SPEG: variants seen among roughly 807,000 people sequenced by gnomAD.
The protein encoded by SPEG is striated muscle preferentially expressed protein kinase.
Under a neutral mutation model 300.4 loss-of-function variants are expected in SPEG, and 114 were observed. That is an observed-to-expected ratio of 0.38 (90% confidence interval 0.33 to 0.44). SPEG has a LOEUF of 0.44. Ranked by LOEUF, SPEG falls within the 20% of genes least tolerant of loss-of-function variation. SPEG has a pLI of 1.00. For missense variants in SPEG, 4,201 were observed against 4,586.2 expected, an observed-to-expected ratio of 0.92 and a Z score of 2.43; for synonymous variants, 1,964 against 2,018.9, an observed-to-expected ratio of 0.97 and a Z score of 0.73.
rs78698533 is a variant in SPEG, at chr2:219,484,367, G to C, written c.6904G>C (p.Val2302Leu). ...CGTGCCCTCAGCCGGGGGTCCCCCGGTGCTAGCCGAGAAAGCCCGAGTTCC... is the reference window on the plus strand; with the variant it reads ...CGTGCCCTCAGCCGGGGGTCCCCCGCTGCTAGCCGAGAAAGCCCGAGTTCC... ...KRVPSAGGPPVLAEKARVPTV... is the reference protein window; with the variant it reads ...KRVPSAGGPPLLAEKARVPTV... Residue 2302 changes from valine (V) to leucine (L), a missense_variant, in exon 30 of 41, where the codon GTG (valine) becomes CTG (leucine). Physicochemically the swap from Val to Leu is conservative, Grantham distance 32. Transcript: ENST00000312358. 1.9e-6 allele frequency: 3 copies of C among 1,607,286 alleles called. No homozygotes were observed. In the East Asian group the frequency reaches 6.7e-5, roughly 36 times the overall value.
chr2:219,448,526 A>G lies in SPEG; in HGVS notation c.1368A>G (p.Glu456=), dbSNP rs1317975047. The change falls in exon 4 of 41, where the codon GAA becomes GAG. Residue 456 remains glutamate (E), a synonymous_variant. Coordinates refer to ENST00000312358, the MANE Select transcript of SPEG (RefSeq NM_005876.5). ...PWGTPGASQE[E]LRAPGSVAER... is the part of the protein sequence containing the mutation. ...GCACCCCCGGGGCCTCGCAGGAAGA[A>G]CTGCGGGCGCCAGGCAGCGTGGCCG... 1 of 1,445,720 alleles carries G rather than the reference A, an allele frequency of 6.9e-7. No homozygotes were observed. Among genetic ancestry groups the G allele is most frequent in the South Asian group, 1.4e-5 (1 of 71,986 alleles). The allele number at this position is 1,445,720 out of a possible 1,614,324, so 89.6% of individuals were successfully genotyped here. A position where few individuals can be genotyped will look rare whatever the true frequency, so the allele number is the denominator to read the frequency against.
Position 219,479,297 on chromosome 2 carries a change from GC to G in SPEG, c.5085+99del. The G allele has an allele frequency of 1.8e-6, 2 of 1,086,350 alleles. No homozygotes were observed. The highest frequency in any genetic ancestry group is 1.4e-6 in the Non-Finnish European group (1 of 725,018). The allele number at this position is 1,086,350 out of a possible 1,614,324, so 67.3% of individuals were successfully genotyped here. On this transcript the variant is annotated intron_variant, in intron 23 of 40. Transcript: ENST00000312358. This position sits in a 1 kb window ranked among gnomAD's most constrained non-coding sequence, Gnocchi z 5.5. ...AATGGGTCCTGAGTGTGCCATCTGT[GC>G]CCACAGGAAGCCAGGGGTGGAGGTG...
intron 1 of SPEG, among the ~76,000 whole-genome samples, chr2:219,435,996 C>T (rs1206400700): frequency 6.6e-6 from 1 of 152,142 alleles, no homozygotes; most frequent in Non-Finnish European, 1.5e-5. Context: ...AATCCACATG[C>T]AGGTGTGTGC....
At chr2:219,453,572 C>G (rs1348933485) in intron 6 of SPEG, among the ~76,000 whole-genome samples, 3 of 152,196 alleles carry the variant, frequency 2.0e-5, no homozygotes, top group East Asian at 3.9e-4. Flanking sequence ...TCCTGCAGAC[C>G]CTCTGTATTT....
rs780516016 is a variant in SPEG, at chr2:219,442,004, G to T, written c.389-2649G>T. On this transcript the variant is annotated intron_variant, in intron 1 of 40. Coordinates refer to ENST00000312358, the MANE Select transcript of SPEG (RefSeq NM_005876.5). ...CCGCCTCCGACTCCGCCCCGCCCCCGCCCGTCCCCTCCTCGCCCGGCCGCC... is the reference window on the plus strand; with the variant it reads ...CCGCCTCCGACTCCGCCCCGCCCCCTCCCGTCCCCTCCTCGCCCGGCCGCC... 189 of 439,394 alleles carry T rather than the reference G, an allele frequency of 4.3e-4. 1 individual carries two copies. The highest frequency in any genetic ancestry group is 3.5e-3 in the African/African-American group (163 of 46,670). The allele number at this position is 439,394 out of a possible 1,614,324, so 27.2% of individuals were successfully genotyped here. A position where few individuals can be genotyped will look rare whatever the true frequency, so the allele number is the denominator to read the frequency against.
chr2:219,444,796 C>T lies in SPEG; in HGVS notation c.479-29C>T. 11 of 1,610,174 alleles carry T rather than the reference C, an allele frequency of 6.8e-6. No individual in the cohort carries two copies. The highest frequency in any genetic ancestry group is 9.3e-6 in the Non-Finnish European group (11 of 1,177,432). On this transcript the variant is annotated intron_variant, in intron 2 of 40. Coordinates refer to ENST00000312358, the MANE Select transcript of SPEG (RefSeq NM_005876.5). The surrounding 1 kb of genome is among the most constrained non-coding windows in gnomAD (Gnocchi z 7.8). ...GCAGGCGGGTTTTCCATAAGGGGTG[C>T]CTCAGTCTCACGGTGCTCCTTTCTC...
At position 219,451,762 on chromosome 2, in the gene SPEG, G is replaced by A. The variant is rs567197826; in HGVS notation, c.2395G>A (p.Glu799Lys). ...AGSYMATATN[E>K]LGQATCAASL... Reference sequence around the variant, plus strand: ...GAGCTATATGGCCACCGCCACCAACGAGCTGGGCCAGGCCACCTGTGCCGC... The same window carrying A: ...GAGCTATATGGCCACCGCCACCAACAAGCTGGGCCAGGCCACCTGTGCCGC... The change falls in exon 6 of 41, where the codon GAG (glutamate) becomes AAG (lysine). Residue 799 changes from glutamate to lysine, a missense_variant. Coordinates refer to ENST00000312358, the MANE Select transcript of SPEG (RefSeq NM_005876.5). This position sits in a 1 kb window ranked among gnomAD's most constrained non-coding sequence, Gnocchi z 6.4. 3.2e-6 allele frequency: 5 copies of A among 1,556,156 alleles called. No homozygotes were observed. The highest frequency in any genetic ancestry group is 4.3e-6 in the Non-Finnish European group (5 of 1,150,392).
intron 3 of SPEG, among the ~76,000 whole-genome samples, chr2:219,447,277 G>T (rs1169031427): frequency 6.6e-6 from 1 of 152,022 alleles, no homozygotes; most frequent in Non-Finnish European, 1.5e-5. Flanking sequence ...TTTGCCAGGG[G>T]AAGCACAAGT....
Position 219,449,037 on chromosome 2 carries a change from C to T in SPEG, c.1879C>T (p.Pro627Ser), listed in dbSNP as rs755608022. ...CCCAGAGGCCAGGACGAAAGCACCC[C>T]CCGGTCGGAAGCGGGAGCCCCCGGC... ...DPPEARTKAP[P>S]GRKREPPAQA... Residue 627 changes from proline (P) to serine (S), a missense_variant, in exon 4 of 41, where the codon CCC (proline) becomes TCC (serine). This residue lies in a region of SPEG where 1,258 missense variants were observed against 1,293.9 expected (regional missense o/e 0.97). Transcript: ENST00000312358. The T allele has an allele frequency of 7.9e-6, 12 of 1,520,030 alleles. No homozygotes were observed. The highest frequency in any genetic ancestry group is 1.8e-6 in the Non-Finnish European group (2 of 1,133,934). The allele number at this position is 1,520,030 out of a possible 1,614,324, so 94.2% of individuals were successfully genotyped here.
intron 1 of SPEG, chr2:219,437,178 T>C (rs1030703356): frequency 6.6e-6 from 1 of 152,284 alleles, no homozygotes; most frequent in Admixed American, 6.5e-5. Context: ...CTGGGGGCCT[T>C]GTACTCCTCA....
At chr2:219,488,117 G>A (rs963253906) in intron 31 of SPEG, 77 bp from the exon 32 acceptor site, 2 of 903,670 alleles carry the variant, frequency 2.2e-6, no homozygotes, top group Non-Finnish European at 3.5e-6. Flanking sequence ...CTGTTTGCAG[G>A]CCTTCTCCAC....
Position 219,488,565 on chromosome 2 carries a change from C to T in SPEG, c.7926C>T (p.Leu2642=), listed in dbSNP as rs777691943. ...CCTGCAAAGATGGGCGGCAGCTGCT[C>T]AGCATCCCCCGGGCGGGCAAGCGGC... ...IVSCKDGRQL[L]SIPRAGKRHA... is the part of the protein sequence containing the mutation. The change falls in exon 33 of 41, where the codon CTC becomes CTT. Residue 2642 remains leucine, a synonymous_variant. Transcript: ENST00000312358. 1 of 1,611,524 alleles carries T rather than the reference C, an allele frequency of 6.2e-7. No individual in the cohort carries two copies. Among genetic ancestry groups the T allele is most frequent in the Non-Finnish European group, 8.5e-7 (1 of 1,179,128 alleles).
chr2:219,438,798 A>T (rs1338992290), intron 1 of SPEG, among the ~76,000 whole-genome samples: 1 of 152,224 alleles, frequency 6.6e-6, no homozygotes, highest in East Asian at 1.9e-4. Context: ...AAAACATGGT[A>T]ATGAACCATC....
At position 219,472,977 on chromosome 2, in the gene SPEG, G is replaced by T; in HGVS notation, c.4028G>T (p.Gly1343Val). 1 of 1,613,880 alleles carries T rather than the reference G, an allele frequency of 6.2e-7. No homozygotes were observed. Among genetic ancestry groups the T allele is most frequent in the Non-Finnish European group, 8.5e-7 (1 of 1,180,020 alleles). ...CTGGTCACAGGCCTGCGGGAGCCAG[G>T]GTGGGCAGCCACAGGGCTGCGTAAG... ...TALVTGLREP[G>V]WAATGLRKGV... is the part of the protein sequence containing the mutation. Residue 1343 changes from glycine to valine, a missense_variant, in exon 16 of 41, where the codon GGG becomes GTG. Gly to Val is a moderately radical substitution (Grantham distance 109). This residue lies in a region of SPEG where 1,047 missense variants were observed against 1,356.8 expected (regional missense o/e 0.77). Coordinates refer to ENST00000312358, the MANE Select transcript of SPEG (RefSeq NM_005876.5).
rs1267803484 is a variant in SPEG, at chr2:219,442,019, G to T, written c.389-2634G>T. 1.4e-5 allele frequency: 12 copies of T among 859,582 alleles called. No individual in the cohort carries two copies. The East Asian group carries it at 1.7e-4, about 12-fold the overall frequency. The allele number at this position is 859,582 out of a possible 1,614,324, so 53.2% of individuals were successfully genotyped here. A position where few individuals can be genotyped will look rare whatever the true frequency, so the allele number is the denominator to read the frequency against. Reference sequence around the variant, plus strand: ...CCCCGCCCCCGCCCGTCCCCTCCTCGCCCGGCCGCCGGCCCGGCCCCCTCC... The same window carrying T: ...CCCCGCCCCCGCCCGTCCCCTCCTCTCCCGGCCGCCGGCCCGGCCCCCTCC... On this transcript the variant is annotated intron_variant, in intron 1 of 40. Transcript: ENST00000312358.
chr2:219,451,842 G>C lies in SPEG; in HGVS notation c.2440+35G>C. ...CCATCAACCCTGGGGCTGGGTGGGG[G>C]CAAGCCGTGACTCTCCCCTGGCCCA... On this transcript the variant is annotated intron_variant, in intron 6 of 40. Transcript: ENST00000312358. The surrounding 1 kb of genome is among the most constrained non-coding windows in gnomAD (Gnocchi z 6.4). The C allele has an allele frequency of 6.7e-7, 1 of 1,489,560 alleles. No homozygotes were observed. The highest frequency in any genetic ancestry group is 9.0e-7 in the Non-Finnish European group (1 of 1,112,768). 92.3% of individuals were successfully genotyped at this position (1,489,560 alleles called of 1,614,324 possible).
chr2:219,438,534 T>A (rs1196411883), intron 1 of SPEG, among the ~76,000 whole-genome samples: 5 of 152,206 alleles, frequency 3.3e-5, no homozygotes, highest in Non-Finnish European at 7.3e-5. Flanking sequence ...TTCTTCTTTT[T>A]CAAAATATCA....
chr2:219,463,032 ACT>A (rs1022308251), intron 8 of SPEG, among the ~76,000 whole-genome samples: 2 of 152,020 alleles, frequency 1.3e-5, no homozygotes, highest in African/African-American at 4.8e-5. Context: ...ACATAGTGAG[ACT>A]CTGTCTCTAC....
rs1418260716 is a variant in SPEG, at chr2:219,460,272, G to A, written c.2441-1610G>A. 3.1e-6 allele frequency: 3 copies of A among 981,864 alleles called. No individual in the cohort carries two copies. The East Asian group carries it at 3.4e-4, about 111-fold the overall frequency. The allele number at this position is 981,864 out of a possible 1,614,324, so 60.8% of individuals were successfully genotyped here. On this transcript the variant is annotated intron_variant, in intron 6 of 40. Coordinates refer to ENST00000312358, the MANE Select transcript of SPEG (RefSeq NM_005876.5). ...ATTCTTCCCCCACCTCTGTGAAGGA[G>A]GGCAAAGATCTTGACAGTTCTCCGA... is the stretch of plus-strand genomic sequence containing the variant.
Sources: allele counts gnomAD v4.1 joint callset (sites outside exome capture counted in the v4.1 genomes callset), GRCh38; gene constraint gnomAD v4.1.1; regional missense constraint gnomAD v4.1.1; non-coding constraint Gnocchi (gnomAD v3.1); transcripts MANE v1.5; gene names NCBI Gene and HGNC (gene_info 2026-07-23, HGNC 2026-07-21).